The following PDE10A variants were observed in gnomAD, a reference collection of about 807,000 sequenced individuals.
PDE10A encodes phosphodiesterase 10A.
PDE10A carries 39 observed loss-of-function variants against 97.7 expected under a neutral mutation model. The ratio of observed to expected loss-of-function variants is 0.40; its 90% CI spans 0.31 to 0.52. The LOEUF (loss-of-function observed/expected upper bound fraction) is 0.52. Among genes scored for constraint, PDE10A ranks in the 20% least tolerant of loss-of-function variants. The probability of loss-of-function intolerance (pLI) is 0.56; values close to 1 mark genes in which losing one functional copy is unlikely to be tolerated. For missense variants in PDE10A, 731 were observed against 1,047.8 expected, an observed-to-expected ratio of 0.70 and a Z score of 4.17; for synonymous variants, 371 against 376.8, an observed-to-expected ratio of 0.98 and a Z score of 0.18.
chr6:165,369,405 C>T (rs1011904959), intron 18 of PDE10A, among the ~76,000 whole-genome samples: 36 of 151,770 alleles, frequency 2.4e-4, no homozygotes, highest in African/African-American at 8.2e-4. Flanking sequence ...GAGCTGAAAA[C>T]CAAGGCTCAA....
At chr6:165,413,759 T>A in intron 12 of PDE10A, 72 bp from the exon 13 acceptor site, 1 of 1,236,518 alleles carries the variant, frequency 8.1e-7, no homozygotes, top group Non-Finnish European at 1.1e-6. Flanking sequence ...CAGTCAGTCA[T>A]AAATCTCCCC....
intron 1 of PDE10A, among the ~76,000 whole-genome samples, chr6:165,682,566 C>T (rs887137168): frequency 1.3e-5 from 2 of 152,148 alleles, no homozygotes; most frequent in Non-Finnish European, 2.9e-5. Context: ...ACGCCAGAGG[C>T]CCCCTTTGCC....
chr6:165,459,210 G>A (rs1778145485), intron 3 of PDE10A, among the ~76,000 whole-genome samples: 1 of 152,180 alleles, frequency 6.6e-6, no homozygotes, highest in Non-Finnish European at 1.5e-5. Context: ...GTGAACATGA[G>A]ATCAAAGACT....
At chr6:165,727,541 A>T (rs1038077877) in intron 1 of PDE10A, among the ~76,000 whole-genome samples, 1 of 152,194 alleles carries the variant, frequency 6.6e-6, no homozygotes, top group African/African-American at 2.4e-5. Flanking sequence ...CAAATGACAT[A>T]GAGCCCAGGA....
chr6:165,743,820 A>ACTAT (rs1792783949), intron 1 of PDE10A, among the ~76,000 whole-genome samples: 1 of 152,222 alleles, frequency 6.6e-6, no homozygotes, highest in African/African-American at 2.4e-5. Flanking sequence ...AGTAAGTGGT[A>ACTAT]CTATCTTCGT....
chr6:165,942,848 A>G (rs1007702441), intron 1 of PDE10A, among the ~76,000 whole-genome samples: 1 of 152,138 alleles, frequency 6.6e-6, no homozygotes, highest in African/African-American at 2.4e-5. Context: ...ATTCTGCTAG[A>G]ACATTTCTTC....
chr6:165,805,237 A>G (rs1479966688), intron 1 of PDE10A, among the ~76,000 whole-genome samples: 4 of 151,944 alleles, frequency 2.6e-5, no homozygotes, highest in African/African-American at 4.8e-5. Context: ...TGCGCCCTGG[A>G]CGAAGCCTAC....
chr6:165,451,976 T>C (rs934566006), intron 3 of PDE10A, among the ~76,000 whole-genome samples: 11 of 152,238 alleles, frequency 7.2e-5, no homozygotes, highest in Non-Finnish European at 1.3e-4. Flanking sequence ...AGAACTTCCC[T>C]GGTATATATT....
intron 1 of PDE10A, among the ~76,000 whole-genome samples, chr6:165,640,926 A>G (rs79129162): frequency 0.01 from 1,582 of 152,354 alleles, 31 homozygotes; most frequent in African/African-American, 0.036. Flanking sequence ...AGTTGCACAC[A>G]GAACAAATAT....
intron 1 of PDE10A, among the ~76,000 whole-genome samples, chr6:165,906,012 C>T (rs1782258843): frequency 4.4e-5 from 2 of 45,012 alleles, no homozygotes; most frequent in Non-Finnish European, 8.3e-5. Flanking sequence ...TCCTTCCTTC[C>T]TTCCCTCCCT....
At chr6:165,409,357 G>A (rs1293141905) in intron 13 of PDE10A, among the ~76,000 whole-genome samples, 1 of 152,054 alleles carries the variant, frequency 6.6e-6, no homozygotes, top group East Asian at 1.9e-4. Flanking sequence ...GAATAGCCTG[G>A]CCAACGTGGT....
At chr6:165,832,345 T>C (rs546498331) in intron 1 of PDE10A, among the ~76,000 whole-genome samples, 406 of 152,216 alleles carry the variant, frequency 2.7e-3, no homozygotes, top group Non-Finnish European at 4.9e-3. Context: ...GAGGAAACTT[T>C]GACTCCAAGA....
intron 1 of PDE10A, among the ~76,000 whole-genome samples, chr6:165,978,703 G>A (rs998048620): frequency 6.6e-6 from 1 of 152,110 alleles, no homozygotes; most frequent in African/African-American, 2.4e-5. Flanking sequence ...TTGGATCCTG[G>A]ATTGAGAAAC....
intron 1 of PDE10A, among the ~76,000 whole-genome samples, chr6:165,618,435 G>A (rs1787825690): frequency 6.6e-6 from 1 of 152,080 alleles, no homozygotes. Context: ...TCCAGAGGTG[G>A]CCACGTGTCC....
chr6:165,620,754 G>A (rs1260185312), intron 1 of PDE10A, among the ~76,000 whole-genome samples: 2 of 148,714 alleles, frequency 1.3e-5, no homozygotes, highest in Non-Finnish European at 2.9e-5. Flanking sequence ...AAAAAGGATA[G>A]AGAAGGCTGG....
At position 165,587,426 on chromosome 6, in the gene PDE10A, G is replaced by C. The variant is rs1285657210; in HGVS notation, c.866-43858C>G. Among the ~76,000 whole-genome samples, 6 of 152,096 alleles carry C rather than the reference G, an allele frequency of 3.9e-5. No individual in the cohort carries two copies. In the East Asian group the frequency reaches 5.8e-4, roughly 15 times the overall value. ...AAAACAAAATGAGTAATTTCCTTAGGTTCTTGGGTCCTAGATGGGGGTAAG... is the reference window on the plus strand; with the variant it reads ...AAAACAAAATGAGTAATTTCCTTAGCTTCTTGGGTCCTAGATGGGGGTAAG... On this transcript the variant is annotated intron_variant, in intron 1 of 21. Coordinates refer to ENST00000539869, the MANE Select transcript of PDE10A (RefSeq NM_001385079.1).
intron 18 of PDE10A, among the ~76,000 whole-genome samples, chr6:165,374,321 C>T (rs1784469823): frequency 1.3e-5 from 2 of 151,696 alleles, no homozygotes; most frequent in Non-Finnish European, 2.9e-5. Context: ...TTTAAAAGAT[C>T]AAAAATTTGT....
intron 1 of PDE10A, among the ~76,000 whole-genome samples, chr6:165,624,734 C>A (rs1413265525): frequency 6.6e-6 from 1 of 152,216 alleles, no homozygotes; most frequent in Non-Finnish European, 1.5e-5. Flanking sequence ...GTGAACAAAG[C>A]AAACCAGGTT....
chr6:165,923,646 A>G (rs1184586209), intron 1 of PDE10A, among the ~76,000 whole-genome samples: 2 of 152,172 alleles, frequency 1.3e-5, no homozygotes, highest in African/African-American at 2.4e-5. Context: ...TAACAAGAGG[A>G]CCCATTGCTG....
Sources: allele counts gnomAD v4.1 joint callset (sites outside exome capture counted in the v4.1 genomes callset), GRCh38; gene constraint gnomAD v4.1.1; transcripts MANE v1.5; gene names NCBI Gene and HGNC (gene_info 2026-07-23, HGNC 2026-07-21).